NIBAN1: variants seen among roughly 807,000 people sequenced by gnomAD.
NIBAN1 encodes the protein niban apoptosis regulator 1.
A neutral mutation model predicts 75.1 loss-of-function variants in NIBAN1; 81 were observed. The observed-to-expected ratio is 1.08, with a 90% CI of 0.90 to 1.30. The LOEUF (loss-of-function observed/expected upper bound fraction) is 1.30, where lower values mean the gene tolerates loss of function less well. Among genes scored for constraint, NIBAN1 ranks in the 50% most tolerant of loss-of-function variants. The pLI is 0.00. For missense variants in NIBAN1, 1,133 were observed against 1,128.1 expected (o/e 1.00, Z -0.06); for synonymous variants, 436 against 424.8 (o/e 1.03, Z -0.32).
intron 9 of NIBAN1, among the ~76,000 whole-genome samples, chr1:184,815,628 C>T (rs1351624391): frequency 1.3e-5 from 2 of 152,166 alleles, no homozygotes; most frequent in Non-Finnish European, 2.9e-5. Context: ...ATTATGTGCA[C>T]TTATAGGGTA....
intron 9 of NIBAN1, among the ~76,000 whole-genome samples, chr1:184,808,862 T>C (rs983572123): frequency 1.3e-5 from 2 of 152,204 alleles, no homozygotes; most frequent in African/African-American, 4.8e-5. Flanking sequence ...ACTCAGTCAA[T>C]GAGGCCATTG....
chr1:184,964,662 G>C (rs1275131632), intron 1 of NIBAN1, among the ~76,000 whole-genome samples: 1 of 152,142 alleles, frequency 6.6e-6, no homozygotes, highest in Non-Finnish European at 1.5e-5. Context: ...AGGGTTCAAC[G>C]AAGACTCCAT....
chr1:184,935,234 G>T (rs911182748), intron 1 of NIBAN1, among the ~76,000 whole-genome samples: 3 of 152,094 alleles, frequency 2.0e-5, no homozygotes, highest in Non-Finnish European at 4.4e-5. Context: ...AAGATCCGAG[G>T]CTGGGAATCG....
chr1:184,941,808 T>C (rs922780115), intron 1 of NIBAN1, among the ~76,000 whole-genome samples: 4 of 152,204 alleles, frequency 2.6e-5, no homozygotes, highest in Non-Finnish European at 5.9e-5. Context: ...CTGTGTCCCA[T>C]GCTAAGTAAT....
chr1:184,867,553 A>G (rs1006251455), intron 5 of NIBAN1, among the ~76,000 whole-genome samples: 1 of 152,226 alleles, frequency 6.6e-6, no homozygotes, highest in Non-Finnish European at 1.5e-5. Context: ...GGAAAGGACA[A>G]TGGCTAAGGT....
chr1:184,942,693 C>CAA (rs1235041623), intron 1 of NIBAN1, among the ~76,000 whole-genome samples: 226 of 77,908 alleles, frequency 2.9e-3, no homozygotes, highest in African/African-American at 6.3e-3. Context: ...GACTCCGTCT[C>CAA]AAAAAAAAAA....
At chr1:184,914,437 T>C (rs1657328048) in intron 1 of NIBAN1, among the ~76,000 whole-genome samples, 2 of 152,144 alleles carry the variant, frequency 1.3e-5, no homozygotes, top group Non-Finnish European at 1.5e-5. Flanking sequence ...CTAATAGAAA[T>C]TTTGGGGATG....
At chr1:184,876,911 G>C (rs1441166757) in intron 5 of NIBAN1, among the ~76,000 whole-genome samples, 2 of 152,062 alleles carry the variant, frequency 1.3e-5, no homozygotes. Flanking sequence ...AATAACCTTG[G>C]TGCAAAAATC....
chr1:184,958,503 C>T (rs1208386358), intron 1 of NIBAN1, among the ~76,000 whole-genome samples: 2 of 152,150 alleles, frequency 1.3e-5, no homozygotes, highest in East Asian at 1.9e-4. Context: ...CGTTCAAATC[C>T]TATCACGCTG....
At chr1:184,909,062 A>G (rs1266015009) in intron 1 of NIBAN1, among the ~76,000 whole-genome samples, 8 of 152,186 alleles carry the variant, frequency 5.3e-5, no homozygotes, top group Non-Finnish European at 8.8e-5. Flanking sequence ...TTTGTGACTA[A>G]TCACAGTCAT....
In NIBAN1 at chr1:184,795,599, A is replaced by T. The variant is rs760102694; in HGVS notation, c.2165T>A (p.Val722Glu). The T allele has an allele frequency of 6.2e-7, 1 of 1,614,100 alleles. No individual in the cohort carries two copies. The highest frequency in any genetic ancestry group is 8.5e-7 in the Non-Finnish European group (1 of 1,180,024). ...CATCACTGGAGCAGAGTCCACTGGT[A>T]CTTCCACGGACGCTGTCAGCAACTT... Reference protein sequence around the residue: ...LRKLLTASVEVPVDSAPVMEE... With the variant: ...LRKLLTASVEEPVDSAPVMEE... Residue 722 changes from valine to glutamate, a missense_variant, in exon 14 of 14, where the codon GTA (valine) becomes GAA (glutamate). Coordinates refer to ENST00000367511, the MANE Select transcript of NIBAN1 (RefSeq NM_052966.4).
chr1:184,888,483 C>T (rs940258310), intron 4 of NIBAN1, among the ~76,000 whole-genome samples: 1 of 152,182 alleles, frequency 6.6e-6, no homozygotes, highest in South Asian at 2.1e-4. Context: ...ATCTCTCAAC[C>T]TTTTACAACA....
At chr1:184,860,545 A>C (rs1655790394) in intron 5 of NIBAN1, among the ~76,000 whole-genome samples, 1 of 152,180 alleles carries the variant, frequency 6.6e-6, no homozygotes, top group Non-Finnish European at 1.5e-5. Context: ...TTTGTATCTT[A>C]AAAATCCTAA....
intron 10 of NIBAN1, 147 bp downstream of exon 10, chr1:184,807,927 G>A: frequency 1.2e-6 from 1 of 822,380 alleles, no homozygotes; most frequent in Non-Finnish European, 2.1e-6. Context: ...CCAGTGGAGG[G>A]ACAGAACGTG....
intron 5 of NIBAN1, among the ~76,000 whole-genome samples, chr1:184,835,852 C>T (rs497625): frequency 0.58 from 88,761 of 152,070 alleles, 26,370 homozygotes; most frequent in African/African-American, 0.68. Flanking sequence ...TTTTGCCTGA[C>T]TGCCCTGGGC....
At chr1:184,834,838 T>C (rs1655095811) in intron 5 of NIBAN1, among the ~76,000 whole-genome samples, 2 of 152,236 alleles carry the variant, frequency 1.3e-5, no homozygotes, top group Admixed American at 1.3e-4. Flanking sequence ...TCTTTTCCTG[T>C]GCAGAAGCTC....
In NIBAN1 at chr1:184,934,763, C is replaced by T. The variant is rs536206050; in HGVS notation, c.56-35454G>A. ...TACACAAGTTAGCCGGGCATGGTGGCGCATGACTGTAGTCCCAGATACTTA... is the reference window on the plus strand; with the variant it reads ...TACACAAGTTAGCCGGGCATGGTGGTGCATGACTGTAGTCCCAGATACTTA... On this transcript the variant is annotated intron_variant, in intron 1 of 13. Transcript: ENST00000367511. 2.6e-5 allele frequency among the ~76,000 whole-genome samples: 4 copies of T among 152,188 alleles called. No individual in the cohort carries two copies. In the East Asian group the frequency reaches 5.8e-4, roughly 22 times the overall value.
intron 1 of NIBAN1, among the ~76,000 whole-genome samples, chr1:184,903,482 T>C (rs1285308086): frequency 6.6e-6 from 1 of 152,190 alleles, no homozygotes; most frequent in African/African-American, 2.4e-5. Context: ...GGCGGATCTC[T>C]CATTAATGGC....
chr1:184,912,764 T>C (rs990321082), intron 1 of NIBAN1, among the ~76,000 whole-genome samples: 2 of 152,212 alleles, frequency 1.3e-5, no homozygotes, highest in Non-Finnish European at 2.9e-5. Flanking sequence ...ACATTTATGA[T>C]TTTTATGAGA....
Sources: gnomAD v4.1 joint callset for allele counts (sites outside exome capture counted in the v4.1 genomes callset) on GRCh38, gnomAD v4.1.1 for gene constraint, MANE v1.5 for transcripts, NCBI Gene and HGNC (gene_info 2026-07-23, HGNC 2026-07-21) for gene names.